The following TENM3 variants were observed in gnomAD, a reference collection of about 807,000 sequenced individuals.
The protein encoded by TENM3 is teneurin-3.
Under a neutral mutation model 255.1 loss-of-function variants are expected in TENM3, and 63 were observed. The ratio of observed to expected loss-of-function variants is 0.25; its 90% CI spans 0.20 to 0.30. TENM3 has a LOEUF of 0.30. Ranked by LOEUF, TENM3 falls within the 10% of genes least tolerant of loss-of-function variation. TENM3 has a pLI of 1.00. For synonymous variants in TENM3, 1,306 were observed against 1,322.3 expected (o/e 0.99, Z 0.27); for missense variants, 2,929 against 3,461.1 (o/e 0.85, Z 3.86).
At chr4:182,294,233 C>A (rs143624143) in intron 1 of TENM3, among the ~76,000 whole-genome samples, 1 of 152,078 alleles carries the variant, frequency 6.6e-6, no homozygotes, top group Non-Finnish European at 1.5e-5. Flanking sequence ...AATCAGCCTG[C>A]GAGATTCGTG....
chr4:182,707,840 G>C (rs1047902222), intron 12 of TENM3: 1 of 152,168 alleles, frequency 6.6e-6, no homozygotes, highest in Non-Finnish European at 1.5e-5. Context: ...TTGGCATTTA[G>C]AGTAATCTGT....
chr4:182,019,620 C>A, the TENM3 span, among the ~76,000 whole-genome samples: 1 of 152,158 alleles, frequency 6.6e-6, no homozygotes, highest in Non-Finnish European at 1.5e-5. Flanking sequence ...TGACCTGTAG[C>A]CTTGACCTCG....
At chr4:181,805,020 T>C in the TENM3 span, among the ~76,000 whole-genome samples, 1 of 152,094 alleles carries the variant, frequency 6.6e-6, no homozygotes, top group Non-Finnish European at 1.5e-5. Context: ...TTCATAAGCA[T>C]CTGCTTCTCT....
At chr4:181,963,689 C>T in the TENM3 span, among the ~76,000 whole-genome samples, 1 of 152,080 alleles carries the variant, frequency 6.6e-6, no homozygotes, top group Non-Finnish European at 1.5e-5. Context: ...ATATTAAATC[C>T]AAGTCTCCAT....
At chr4:182,169,071 C>CCACACACACACA (rs1304730493) in intron 1 of TENM3, among the ~76,000 whole-genome samples, 1 of 51,936 alleles carries the variant, frequency 1.9e-5, no homozygotes, top group Non-Finnish European at 4.8e-5. Flanking sequence ...TATAATCATG[C>CCACACACACACA]CATACACACA....
the TENM3 span, among the ~76,000 whole-genome samples, chr4:181,468,132 C>CCAA: frequency 1.5e-4 from 19 of 130,736 alleles, 3 homozygotes; most frequent in Non-Finnish European, 2.2e-4. Flanking sequence ...CCCATCTGTA[C>CCAA]AAAAAAAAAA....
rs1397020411 is a variant in TENM3 at position 182,799,453 on chromosome 4, C to T, written c.7345-143C>T. On this transcript the variant is annotated intron_variant, in intron 27 of 27. Coordinates refer to ENST00000511685, the MANE Select transcript of TENM3 (RefSeq NM_001080477.4). This position sits in a 1 kb window ranked among gnomAD's most constrained non-coding sequence, Gnocchi z 4.2. The stretch of plus-strand genomic sequence containing the variant: ...AGGGATCTCGAGTGCTCCCTCCACC[C>T]GGGCTGTCAGCCTTCTGGTCAGGGA... 4 of 1,053,212 alleles carry T rather than the reference C, an allele frequency of 3.8e-6. No homozygotes were observed. The highest frequency in any genetic ancestry group is 3.0e-4 in the Middle Eastern group (1 of 3,314). The allele number at this position is 1,053,212 out of a possible 1,614,324, so 65.2% of individuals were successfully genotyped here.
intron 5 of TENM3, among the ~76,000 whole-genome samples, chr4:182,635,945 G>GA (rs1455473231): frequency 6.6e-6 from 1 of 152,180 alleles, no homozygotes; most frequent in Non-Finnish European, 1.5e-5. Flanking sequence ...TATGCTTCAT[G>GA]AAAAATCAGC....
chr4:182,396,008 G>A (rs187041188), intron 3 of TENM3, among the ~76,000 whole-genome samples: 1 of 152,278 alleles, frequency 6.6e-6, no homozygotes, highest in Non-Finnish European at 1.5e-5. Context: ...GTATAAAATA[G>A]AATTGTCATT....
chr4:182,288,460 T>A (rs7662864), intron 1 of TENM3, among the ~76,000 whole-genome samples: 4,277 of 152,288 alleles, frequency 0.028, 200 homozygotes, highest in African/African-American at 0.096. Flanking sequence ...CGTAAGTTCC[T>A]CTAGGACAGG....
chr4:182,385,890 G>A (rs1339639915), intron 3 of TENM3, among the ~76,000 whole-genome samples: 1 of 152,032 alleles, frequency 6.6e-6, no homozygotes, highest in African/African-American at 2.4e-5. Context: ...TATTTTTAAT[G>A]GCATTCTTAT....
At chr4:181,773,581 A>G in the TENM3 span, among the ~76,000 whole-genome samples, 2 of 152,146 alleles carry the variant, frequency 1.3e-5, no homozygotes, top group African/African-American at 2.4e-5. Context: ...GAAAACTCCT[A>G]TCTCTTAACT....
the TENM3 span, among the ~76,000 whole-genome samples, chr4:181,862,709 A>G: frequency 6.6e-6 from 1 of 152,168 alleles, no homozygotes; most frequent in Non-Finnish European, 1.5e-5. Context: ...CTACTTCATT[A>G]TATTATATAT....
At chr4:181,591,602 A>G in the TENM3 span, among the ~76,000 whole-genome samples, 1 of 152,208 alleles carries the variant, frequency 6.6e-6, no homozygotes, top group Non-Finnish European at 1.5e-5. Flanking sequence ...GGGCCACACA[A>G]CAGGAGGTGA....
At chr4:181,987,150 TC>T in the TENM3 span, among the ~76,000 whole-genome samples, 1 of 152,112 alleles carries the variant, frequency 6.6e-6, no homozygotes, top group Non-Finnish European at 1.5e-5. Context: ...CCCAGTCTAT[TC>T]TTCTGGCCAT....
chr4:182,747,578 A>G (rs1417440313), intron 19 of TENM3, among the ~76,000 whole-genome samples: 3 of 152,210 alleles, frequency 2.0e-5, no homozygotes, highest in Non-Finnish European at 4.4e-5. Context: ...GTTTTACCTC[A>G]TCCTTGTTCC....
chr4:181,605,544 AAGAAAGAAAGAAAG>A, the TENM3 span, among the ~76,000 whole-genome samples: 2 of 32,734 alleles, frequency 6.1e-5, 1 homozygote, highest in African/African-American at 1.5e-4. Context: ...GAAAGAAAGA[AAGAAAGAAAGAAAG>A]AAAGAAAGAA....
intron 17 of TENM3, among the ~76,000 whole-genome samples, 156 bp downstream of exon 17, chr4:182,737,231 G>A (rs994550370): frequency 3.3e-5 from 5 of 152,076 alleles, no homozygotes; most frequent in African/African-American, 7.2e-5. Flanking sequence ...TAGATCTACC[G>A]TGGGAAAAGG....
chr4:182,169,455 T>C, intron 1 of TENM3: 1 of 341,482 alleles, frequency 2.9e-6, no homozygotes, highest in Non-Finnish European at 5.7e-6. Flanking sequence ...GAGAAAAATA[T>C]ATAATTTACT....
Sources: allele counts gnomAD v4.1 joint callset (sites outside exome capture counted in the v4.1 genomes callset), GRCh38; gene constraint gnomAD v4.1.1; non-coding constraint Gnocchi (gnomAD v3.1); transcripts MANE v1.5; gene names NCBI Gene and HGNC (gene_info 2026-07-23, HGNC 2026-07-21).